Variants in POU2F1 observed in about 807,000 individuals in gnomAD.
The protein encoded by POU2F1 is POU domain, class 2, transcription factor 1.
In POU2F1, 16 loss-of-function variants were observed where a neutral mutation model predicts 84.9. The ratio of observed to expected loss-of-function variants is 0.19; its 90% CI spans 0.13 to 0.29. The LOEUF is 0.29. Among genes scored for constraint, POU2F1 ranks in the 10% least tolerant of loss-of-function variants. POU2F1 has a pLI of 1.00. For synonymous variants in POU2F1, 368 were observed against 368.3 expected, an observed-to-expected ratio of 1.00 and a Z score of 0.01; for missense variants, 738 against 942.6, an observed-to-expected ratio of 0.78 and a Z score of 2.84.
intron 13 of POU2F1, among the ~76,000 whole-genome samples, chr1:167,404,937 G>A (rs1265897561): frequency 6.6e-6 from 1 of 152,092 alleles, no homozygotes; most frequent in Non-Finnish European, 1.5e-5. Context: ...TTTGGAATAG[G>A]ATTTTAGAAA....
At chr1:167,268,692 C>T (rs1192902342) in intron 1 of POU2F1, among the ~76,000 whole-genome samples, 1 of 152,164 alleles carries the variant, frequency 6.6e-6, no homozygotes, top group Non-Finnish European at 1.5e-5. Flanking sequence ...TGTCTTTAGG[C>T]ATTCTTATAC....
chr1:167,368,280 G>A (rs1053974900), intron 3 of POU2F1, among the ~76,000 whole-genome samples: 2 of 150,954 alleles, frequency 1.3e-5, no homozygotes, highest in African/African-American at 4.9e-5. Context: ...TTCCCTCAAC[G>A]GCTGAACCCA....
intron 1 of POU2F1, among the ~76,000 whole-genome samples, chr1:167,293,055 C>A (rs145481096): frequency 6.6e-6 from 1 of 152,164 alleles, no homozygotes; most frequent in Admixed American, 6.5e-5. Context: ...ACATCATACT[C>A]TATGGGAAAA....
intron 1 of POU2F1, among the ~76,000 whole-genome samples, chr1:167,223,966 A>G (rs1025109702): frequency 6.6e-6 from 1 of 152,202 alleles, no homozygotes; most frequent in Non-Finnish European, 1.5e-5. Context: ...AAGCCTTCTC[A>G]TAGGGAAACC....
rs199720331 is a variant in POU2F1 at position 167,337,525 on chromosome 1, CTTTAAA to C, written c.127+4991_127+4996del. On this transcript the variant is annotated intron_variant, in intron 2 of 15. Transcript: ENST00000367866. ...TTGATAATTTTAGAAAGATGTTTGG[CTTTAAA>C]AATGTCAGGATAACGGAAGAAGCAG... 8.1e-3 allele frequency among the ~76,000 whole-genome samples: 1,226 copies of C among 152,082 alleles called. 14 individuals are homozygous for C. The highest frequency in any genetic ancestry group is 0.026 in the African/African-American group (1,084 of 41,476).
At chr1:167,227,355 C>G (rs1383669205) in intron 1 of POU2F1, among the ~76,000 whole-genome samples, 4 of 151,984 alleles carry the variant, frequency 2.6e-5, no homozygotes, top group Admixed American at 6.6e-5. Flanking sequence ...CAGGTTTCCC[C>G]CCCTCTGTTG....
intron 1 of POU2F1, among the ~76,000 whole-genome samples, chr1:167,296,294 T>G (rs936532599): frequency 6.6e-6 from 1 of 152,192 alleles, no homozygotes; most frequent in African/African-American, 2.4e-5. Context: ...TTCATCTTCA[T>G]CACAACTTAG....
intron 15 of POU2F1, 37 bp downstream of exon 15, chr1:167,413,151 A>T: frequency 6.8e-7 from 1 of 1,474,092 alleles, no homozygotes; most frequent in Non-Finnish European, 9.3e-7. Context: ...GGTGGCATGC[A>T]CGTGTGTGTG....
At position 167,234,337 on chromosome 1, in the gene POU2F1, G is replaced by A. The variant is rs568300688; in HGVS notation, c.61+13379G>A. Among the ~76,000 whole-genome samples the A allele has an allele frequency of 1.1e-4, 16 of 152,286 alleles. No individual in the cohort carries two copies. In the South Asian group the frequency reaches 3.3e-3, roughly 32 times the overall value. On this transcript the variant is annotated intron_variant, in intron 1 of 15. Transcript: ENST00000367866. ...AGATCTAATGTTAACTTAGCTTTCA[G>A]GATTTCTAGATGCTGACTATAAACG...
Position 167,412,250 on chromosome 1 carries a change from C to T in POU2F1, c.1847C>T (p.Ala616Val). Residue 616 changes from alanine (A) to valine (V), a missense_variant, in exon 14 of 16, where the codon GCA (alanine) becomes GTA (valine). Physicochemically the swap from Ala to Val is moderately conservative, Grantham distance 64. Transcript: ENST00000367866. ...LPANASLAAM[A>V]AAAGLNPSLM... ...GCAAATGCCAGTCTTGCTGCCATGGCAGCTGCTGCAGGACTAAACCCAAGC... is the reference window on the plus strand; with the variant it reads ...GCAAATGCCAGTCTTGCTGCCATGGTAGCTGCTGCAGGACTAAACCCAAGC... The T allele has an allele frequency of 6.3e-7, 1 of 1,590,492 alleles. No individual in the cohort carries two copies. Among genetic ancestry groups the T allele is most frequent in the Admixed American group, 1.8e-5 (1 of 56,156 alleles).
chr1:167,352,540 G>A (rs1296181784), intron 2 of POU2F1, among the ~76,000 whole-genome samples: 1 of 152,214 alleles, frequency 6.6e-6, no homozygotes, highest in African/African-American at 2.4e-5. Flanking sequence ...AGGGGTGCTA[G>A]ACAAATCGGT....
At chr1:167,375,316 A>T (rs1660250392) in intron 6 of POU2F1, among the ~76,000 whole-genome samples, 1 of 152,184 alleles carries the variant, frequency 6.6e-6, no homozygotes, top group Admixed American at 6.5e-5. Flanking sequence ...TTATCAAGAT[A>T]ATGTTTTGAT....
chr1:167,405,514 C>CAA (rs776024958), intron 13 of POU2F1, among the ~76,000 whole-genome samples: 13 of 88,190 alleles, frequency 1.5e-4, no homozygotes, highest in African/African-American at 3.4e-4. Flanking sequence ...CTTGTCTCTA[C>CAA]AAAAAAAAAA....
chr1:167,354,938 G>T (rs2101798877), intron 2 of POU2F1, among the ~76,000 whole-genome samples: 1 of 152,124 alleles, frequency 6.6e-6, no homozygotes, highest in South Asian at 2.1e-4. Context: ...ATCCTTTGTT[G>T]TTTGTATGGA....
chr1:167,240,901 G>A (rs1407606848), intron 1 of POU2F1, among the ~76,000 whole-genome samples: 2 of 152,130 alleles, frequency 1.3e-5, no homozygotes, highest in Non-Finnish European at 2.9e-5. Context: ...CCAGCACATT[G>A]GGAGGCCTAG....
chr1:167,326,646 G>A (rs1320335137), intron 1 of POU2F1, among the ~76,000 whole-genome samples: 1 of 152,128 alleles, frequency 6.6e-6, no homozygotes, highest in Non-Finnish European at 1.5e-5. Context: ...AGGGGAAGCG[G>A]GGGGTCCCAC....
intron 1 of POU2F1, among the ~76,000 whole-genome samples, chr1:167,244,357 C>G (rs1359945226): frequency 6.6e-6 from 1 of 152,068 alleles, no homozygotes; most frequent in Non-Finnish European, 1.5e-5. Context: ...TGACTGGACT[C>G]AGTTCCTTAC....
At position 167,389,661 on chromosome 1, in the gene POU2F1, G is replaced by A. The variant is rs141090058; in HGVS notation, c.887G>A (p.Arg296Gln). The change falls in exon 9 of 16, where the codon CGA becomes CAA. Residue 296 changes from arginine (R) to glutamine (Q), a missense_variant. Coordinates refer to ENST00000367866, the MANE Select transcript of POU2F1 (RefSeq NM_002697.4). The stretch of plus-strand genomic sequence containing the variant: ...CCACAGAGCCAGTCAACACCAAAGC[G>A]AATTGATACTCCCAGCTTGGAGGAG... ...TLPQSQSTPK[R>Q]IDTPSLEEPS... 1.6e-5 allele frequency: 26 copies of A among 1,614,036 alleles called. No individual in the cohort carries two copies. The highest frequency in any genetic ancestry group is 2.2e-5 in the East Asian group (1 of 44,892).
intron 1 of POU2F1, among the ~76,000 whole-genome samples, chr1:167,315,624 T>G (rs997744600): frequency 4.0e-5 from 6 of 151,874 alleles, no homozygotes; most frequent in South Asian, 4.2e-4. Flanking sequence ...AAAAATTGTT[T>G]TTTGTTTGTT....
Sources: allele counts gnomAD v4.1 joint callset (sites outside exome capture counted in the v4.1 genomes callset), GRCh38; gene constraint gnomAD v4.1.1; transcripts MANE v1.5; gene names NCBI Gene and HGNC (gene_info 2026-07-23, HGNC 2026-07-21).